Variants in UNC5CL observed in about 807,000 individuals in gnomAD.
UNC5CL encodes the protein unc-5 family C-terminal like, also known as UNC5C-like protein.
A neutral mutation model predicts 54.1 loss-of-function variants in UNC5CL; 42 were observed. The ratio of observed to expected loss-of-function variants is 0.78; its 90% CI spans 0.61 to 1.00. The LOEUF is 1.00. Ranked by LOEUF, UNC5CL falls within the 50% of genes least tolerant of loss-of-function variation. UNC5CL has a pLI of 0.00. For synonymous variants in UNC5CL, 285 were observed against 285.1 expected (o/e 1.00, Z 0.00); for missense variants, 619 against 675.6 (o/e 0.92, Z 0.93).
rs1053627708 is a variant in UNC5CL at position 41,028,915 on chromosome 6, C to G, written c.1335-320G>C. Among the ~76,000 whole-genome samples the G allele has an allele frequency of 3.9e-5, 6 of 151,930 alleles. No homozygotes were observed. The highest frequency in any genetic ancestry group is 1.5e-4 in the African/African-American group (6 of 41,342). ...TTCTGATGTTCTGTAATTGCCTTCT[C>G]TACCTCCCCCACTCCAAATACACCC... On this transcript the variant is annotated intron_variant, in intron 8 of 8. Coordinates refer to ENST00000244565, the MANE Select transcript of UNC5CL (RefSeq NM_173561.3). The surrounding 1 kb of genome is among the most constrained non-coding windows in gnomAD (Gnocchi z 4.3).
At position 41,032,130 on chromosome 6, in the gene UNC5CL, C is replaced by T. The variant is rs1199346493; in HGVS notation, c.957G>A (p.Glu319=). ...GCTGGCAACTGCTGTCATCCACATT[C>T]TCCCAACCTGGTGAGTAGGCAGACA... ...LKLTYISEGW[E]NVDDSSCQLV... Residue 319 remains glutamate (E), a synonymous_variant, in exon 5 of 9, where the codon GAG becomes GAA. Coordinates refer to ENST00000244565, the MANE Select transcript of UNC5CL (RefSeq NM_173561.3). 1 of 1,614,128 alleles carries T rather than the reference C, an allele frequency of 6.2e-7. No homozygotes were observed. Among genetic ancestry groups the T allele is most frequent in the South Asian group, 1.1e-5 (1 of 91,084 alleles).
Position 41,033,691 on chromosome 6 carries a change from C to A in UNC5CL, c.686+190G>T, listed in dbSNP as rs1762482906. ...CAGCAATGGGATTTGCAGTCATGGACATGATTGATGTGAGAAAAACTGCTA... is the reference window on the plus strand; with the variant it reads ...CAGCAATGGGATTTGCAGTCATGGAAATGATTGATGTGAGAAAAACTGCTA... On this transcript the variant is annotated intron_variant, in intron 3 of 8. Coordinates refer to ENST00000244565, the MANE Select transcript of UNC5CL (RefSeq NM_173561.3). The A allele has an allele frequency of 6.3e-6, 4 of 639,148 alleles. No individual in the cohort carries two copies. In the Admixed American group the frequency reaches 1.2e-4, roughly 19 times the overall value. 39.6% of individuals were successfully genotyped at this position (639,148 alleles called of 1,614,324 possible). A position where few individuals can be genotyped will look rare whatever the true frequency, so the allele number is the denominator to read the frequency against.
rs983305688 is a variant in UNC5CL, at chr6:41,033,270, C to G, written c.687-124G>C. 24 of 1,221,194 alleles carry G rather than the reference C, an allele frequency of 2.0e-5. 1 individual carries two copies. The highest frequency in any genetic ancestry group is 2.8e-4 in the Middle Eastern group (1 of 3,516). The allele number at this position is 1,221,194 out of a possible 1,614,324, so 75.6% of individuals were successfully genotyped here. ...CCTTCAAGGAGGTTCAGAGAACACT[C>G]GAGGGGAGCACTTAGGGAGGAACTG... On this transcript the variant is annotated intron_variant, in intron 3 of 8. Coordinates refer to ENST00000244565, the MANE Select transcript of UNC5CL (RefSeq NM_173561.3).
At chr6:41,030,077 A>G (rs1677342859) in intron 8 of UNC5CL, among the ~76,000 whole-genome samples, 1 of 152,150 alleles carries the variant, frequency 6.6e-6, no homozygotes, top group Admixed American at 6.5e-5. Context: ...TACACACATT[A>G]TCCTATAATC....
chr6:41,030,269 A>T, intron 8 of UNC5CL, 119 bp downstream of exon 8: 3 of 872,794 alleles, frequency 3.4e-6, no homozygotes, highest in East Asian at 2.5e-5. Flanking sequence ...GGTGGACAGT[A>T]GCCATTCTCT....
intron 6 of UNC5CL, 36 bp downstream of exon 6, chr6:41,031,645 G>C (rs756152603): frequency 6.2e-7 from 1 of 1,609,280 alleles, no homozygotes; most frequent in Non-Finnish European, 8.5e-7. Flanking sequence ...TTTCCCCCAG[G>C]CCCTGCCCTT....
In UNC5CL at chr6:41,028,766, A is replaced by T. The variant is rs73425233; in HGVS notation, c.1335-171T>A. 9.7e-3 allele frequency among the ~76,000 whole-genome samples: 1,475 copies of T among 152,210 alleles called. 17 individuals are homozygous for T. Among genetic ancestry groups the T allele is most frequent in the African/African-American group, 0.033 (1,377 of 41,540 alleles). On this transcript the variant is annotated intron_variant, in intron 8 of 8. Transcript: ENST00000244565. This position sits in a 1 kb window ranked among gnomAD's most constrained non-coding sequence, Gnocchi z 4.3. Reference sequence around the variant, plus strand: ...CAGGGCACAGGAGGTGGGAAGCCCCAGGGCTTTGAAACTTGAGATTGTCCT... The same window carrying T: ...CAGGGCACAGGAGGTGGGAAGCCCCTGGGCTTTGAAACTTGAGATTGTCCT...
In UNC5CL at chr6:41,030,651, T is replaced by C. The variant is rs761834487; in HGVS notation, c.1220+4A>G. 7 of 1,613,908 alleles carry C rather than the reference T, an allele frequency of 4.3e-6. No homozygotes were observed. In the South Asian group the frequency reaches 7.7e-5, roughly 18 times the overall value. ...GGCAGCAGCCCAAGCAACCCCCGTC[T>C]CACCTATTGCATGGGGGCGGCTGGG... On this transcript the variant is annotated splice_donor_region_variant and intron_variant, in intron 7 of 8. Transcript: ENST00000244565.
Position 41,030,751 on chromosome 6 carries a change from A to C in UNC5CL, c.1124T>G (p.Leu375Trp). Residue 375 changes from leucine (L) to tryptophan (W), a missense_variant, in exon 7 of 9, where the codon TTG (leucine) becomes TGG (tryptophan). Coordinates refer to ENST00000244565, the MANE Select transcript of UNC5CL (RefSeq NM_173561.3). ...IVTMHTFQDGLETKYMEILRF... is the reference protein window; with the variant it reads ...IVTMHTFQDGWETKYMEILRF... Reference sequence around the variant, plus strand: ...GAGGATTTCCATATACTTGGTCTCCAAGCCCTGAGTCAACACAGGGCAGGG... The same window carrying C: ...GAGGATTTCCATATACTTGGTCTCCCAGCCCTGAGTCAACACAGGGCAGGG... 1.2e-6 allele frequency: 2 copies of C among 1,614,036 alleles called. No homozygotes were observed.
At position 41,027,825 on chromosome 6, in the gene UNC5CL, T is replaced by A. The variant is rs979858692; in HGVS notation, c.*548A>T. 1 of 152,714 alleles carries A rather than the reference T, an allele frequency of 6.5e-6. No individual in the cohort carries two copies. The highest frequency in any genetic ancestry group is 1.5e-5 in the Non-Finnish European group (1 of 68,300). The allele number at this position is 152,714 out of a possible 1,614,324, so 9.5% of individuals were successfully genotyped here. A position where few individuals can be genotyped will look rare whatever the true frequency, so the allele number is the denominator to read the frequency against. ...ATCCTCCGTGAAGCATTCTCGCTGC[T>A]CCAGCCCGCACTCAGCTCTTCCCCT... On this transcript the variant is annotated 3_prime_UTR_variant, in exon 9 of 9. Coordinates refer to ENST00000244565, the MANE Select transcript of UNC5CL (RefSeq NM_173561.3).
intron 3 of UNC5CL, 99 bp downstream of exon 3, chr6:41,033,782 A>C: frequency 7.4e-7 from 1 of 1,348,698 alleles, no homozygotes; most frequent in Non-Finnish European, 1.0e-6. Context: ...ACCATCTTCT[A>C]TACAGAGAGA....
In UNC5CL at chr6:41,033,103, G is replaced by A. The variant is rs542781347; in HGVS notation, c.730C>T (p.Arg244Cys). The change falls in exon 4 of 9, where the codon CGC (arginine) becomes TGC (cysteine). Residue 244 changes from arginine (R) to cysteine (C), a missense_variant. Coordinates refer to ENST00000244565, the MANE Select transcript of UNC5CL (RefSeq NM_173561.3). Reference protein sequence around the residue: ...VLEAPVGREARKWLQLAVFCS... With the variant: ...VLEAPVGREACKWLQLAVFCS... Reference sequence around the variant, plus strand: ...AATACGGCCAGCTGCAGCCATTTGCGGGCTTCGCGCCCCACAGGTGCCTCC... The same window carrying A: ...AATACGGCCAGCTGCAGCCATTTGCAGGCTTCGCGCCCCACAGGTGCCTCC... The A allele has an allele frequency of 1.9e-5, 30 of 1,612,716 alleles. No individual in the cohort carries two copies. Among genetic ancestry groups the A allele is most frequent in the African/African-American group, 1.6e-4 (12 of 75,052 alleles).
intron 4 of UNC5CL, 133 bp downstream of exon 4, chr6:41,032,751 A>G: frequency 7.3e-7 from 1 of 1,361,842 alleles, no homozygotes; most frequent in Non-Finnish European, 9.7e-7. Flanking sequence ...ACAGAGCGAA[A>G]CTCCATCTCG....
At chr6:41,035,597 T>C (rs1017846388) in intron 1 of UNC5CL, among the ~76,000 whole-genome samples, 1 of 152,254 alleles carries the variant, frequency 6.6e-6, no homozygotes, top group Admixed American at 6.5e-5. Context: ...CCCTAGGCAG[T>C]GTGCCCAGGG....
chr6:41,038,407 G>A (rs1339298704), intron 1 of UNC5CL, among the ~76,000 whole-genome samples: 1 of 151,982 alleles, frequency 6.6e-6, no homozygotes, highest in African/African-American at 2.4e-5. Context: ...GCACCTCACT[G>A]GGTGGTGCAG....
At chr6:41,032,416 G>A (rs921563233) in intron 4 of UNC5CL, among the ~76,000 whole-genome samples, 2 of 152,212 alleles carry the variant, frequency 1.3e-5, no homozygotes, top group East Asian at 1.9e-4. Flanking sequence ...ACAGCAGAGT[G>A]GTCAAAGCCC....
In UNC5CL at chr6:41,031,861, T is replaced by A. The variant is rs1026200511; in HGVS notation, c.1052-113A>T. ...CTTGGGAAATCTGAGGAAGCTGGGG[T>A]CCAACACTCCATTTTTCTCTCTGCA... is the stretch of plus-strand genomic sequence containing the variant. On this transcript the variant is annotated intron_variant, in intron 5 of 8. Coordinates refer to ENST00000244565, the MANE Select transcript of UNC5CL (RefSeq NM_173561.3). 8 of 1,286,896 alleles carry A rather than the reference T, an allele frequency of 6.2e-6. No homozygotes were observed. The Admixed American group carries it at 1.1e-4, about 17-fold the overall frequency. The allele number at this position is 1,286,896 out of a possible 1,614,324, so 79.7% of individuals were successfully genotyped here. A position where few individuals can be genotyped will look rare whatever the true frequency, so the allele number is the denominator to read the frequency against.
Position 41,032,103 on chromosome 6 carries a change from C to A in UNC5CL, c.984G>T (p.Leu328=), listed in dbSNP as rs549361960. The A allele has an allele frequency of 6.2e-7, 1 of 1,614,178 alleles. No individual in the cohort carries two copies. The highest frequency in any genetic ancestry group is 2.2e-5 in the East Asian group (1 of 44,884). ...CATGCCAGATGTGGAGATGGGGAACCAGCTGGCAACTGCTGTCATCCACAT... is the reference window on the plus strand; with the variant it reads ...CATGCCAGATGTGGAGATGGGGAACAAGCTGGCAACTGCTGTCATCCACAT... The part of the protein sequence containing the change: ...WENVDDSSCQ[L]VPHLHIWHGK... Residue 328 remains leucine (L), a synonymous_variant, in exon 5 of 9, where the codon CTG becomes CTT. Coordinates refer to ENST00000244565, the MANE Select transcript of UNC5CL (RefSeq NM_173561.3).
Position 41,034,967 on chromosome 6 carries a change from A to G in UNC5CL, c.108T>C (p.Pro36=). Residue 36 remains proline (P), a synonymous_variant, in exon 2 of 9, where the codon CCT becomes CCC. Transcript: ENST00000244565. The part of the protein sequence containing the change: ...LLAQCLRWHC[P]RRLLGACWTL... ...TCCAGCAGGCCCCCAGCAGCCTTCT[A>G]GGGCAGTGCCATCGAAGGCATTGGG... is the stretch of plus-strand genomic sequence containing the variant. The G allele has an allele frequency of 6.2e-7, 1 of 1,611,692 alleles. No homozygotes were observed. Among genetic ancestry groups the G allele is most frequent in the Non-Finnish European group, 8.5e-7 (1 of 1,177,958 alleles).
Sources: allele counts gnomAD v4.1 joint callset (sites outside exome capture counted in the v4.1 genomes callset), GRCh38; gene constraint gnomAD v4.1.1; non-coding constraint Gnocchi (gnomAD v3.1); transcripts MANE v1.5; gene names NCBI Gene and HGNC (gene_info 2026-07-23, HGNC 2026-07-21).